SLC16A12: variants seen among roughly 807,000 people sequenced by gnomAD.
SLC16A12 encodes monocarboxylate transporter 12.
In SLC16A12, 17 loss-of-function variants were observed where a neutral mutation model predicts 42.4. That is an observed-to-expected ratio of 0.40 (90% CI 0.27 to 0.60). The LOEUF (loss-of-function observed/expected upper bound fraction) is 0.60, where lower values mean the gene tolerates loss of function less well. SLC16A12 is among the 20% of genes least tolerant of loss of function. The pLI is 0.42. For synonymous variants in SLC16A12, 224 were observed against 229.4 expected (o/e 0.98, Z 0.21); for missense variants, 544 against 623.0 (o/e 0.87, Z 1.35).
At chr10:89,501,087 T>C (rs1287107137) in intron 2 of SLC16A12, among the ~76,000 whole-genome samples, 2 of 152,038 alleles carry the variant, frequency 1.3e-5, no homozygotes, top group South Asian at 2.1e-4. Flanking sequence ...CTTAGGAATA[T>C]ACCTAACCAA....
intron 2 of SLC16A12, among the ~76,000 whole-genome samples, chr10:89,510,914 G>A (rs560166893): frequency 9.2e-5 from 14 of 152,224 alleles, no homozygotes; most frequent in Non-Finnish European, 1.6e-4. Flanking sequence ...ATCAAAATGG[G>A]CCAAGGATAT....
intron 2 of SLC16A12, among the ~76,000 whole-genome samples, chr10:89,497,809 G>T (rs1842942902): frequency 1.3e-5 from 2 of 151,966 alleles, no homozygotes; most frequent in Non-Finnish European, 2.9e-5. Context: ...TTTCTAATAA[G>T]ATATAAACCA....
At chr10:89,504,626 A>G (rs1221966876) in intron 2 of SLC16A12, among the ~76,000 whole-genome samples, 1 of 152,228 alleles carries the variant, frequency 6.6e-6, no homozygotes, top group African/African-American at 2.4e-5. Context: ...CAGAATATAC[A>G]GTGTTACAGA....
chr10:89,499,909 A>G (rs1215915238), intron 2 of SLC16A12, among the ~76,000 whole-genome samples: 1 of 152,210 alleles, frequency 6.6e-6, no homozygotes, highest in Non-Finnish European at 1.5e-5. Flanking sequence ...ACTAAGATTA[A>G]CCAAGAAAAG....
At chr10:89,543,090 T>C (rs544863884) in intron 2 of SLC16A12, among the ~76,000 whole-genome samples, 2 of 152,354 alleles carry the variant, frequency 1.3e-5, no homozygotes, top group East Asian at 1.9e-4. Context: ...TATCTGTAAC[T>C]TCCCTTGAAA....
chr10:89,499,062 C>A (rs1387910459), intron 2 of SLC16A12, among the ~76,000 whole-genome samples: 1 of 152,080 alleles, frequency 6.6e-6, no homozygotes, highest in Admixed American at 6.6e-5. Context: ...TATGACAAAA[C>A]AAGGCTCTTT....
rs141492082 is a variant in SLC16A12 at position 89,510,900 on chromosome 10, C to T, written c.-47+23601G>A. ...AAATTTACAAGAAAAAAACAAACAA[C>T]CCCATCAAAATGGGCCAAGGATATG... On this transcript the variant is annotated intron_variant, in intron 2 of 7. Transcript: ENST00000371790. 3.5e-3 allele frequency among the ~76,000 whole-genome samples: 539 copies of T among 152,266 alleles called. 2 individuals carry two copies. The highest frequency in any genetic ancestry group is 0.012 in the African/African-American group (509 of 41,554).
At chr10:89,436,005 T>C in intron 7 of SLC16A12, 55 bp downstream of exon 7, 1 of 1,610,232 alleles carries the variant, frequency 6.2e-7, no homozygotes, top group South Asian at 1.1e-5. Context: ...TTTGCTGTTT[T>C]CACATCAATA....
chr10:89,503,037 T>G (rs892310467), intron 2 of SLC16A12, among the ~76,000 whole-genome samples: 5 of 152,224 alleles, frequency 3.3e-5, no homozygotes, highest in South Asian at 2.1e-4. Context: ...AGACAAGCAC[T>G]TAGTTCATAT....
At chr10:89,453,209 A>T (rs779456465) in intron 3 of SLC16A12, among the ~76,000 whole-genome samples, 3 of 152,234 alleles carry the variant, frequency 2.0e-5, no homozygotes, top group Admixed American at 6.5e-5. Context: ...ATGGTAACAT[A>T]AACTGCCTGG....
In SLC16A12 at chr10:89,436,046, C is replaced by T. The variant is rs1485210880; in HGVS notation, c.1288+14G>A. 1.2e-6 allele frequency: 2 copies of T among 1,613,560 alleles called. No individual in the cohort carries two copies. Among genetic ancestry groups the T allele is most frequent in the Non-Finnish European group, 1.7e-6 (2 of 1,179,776 alleles). ...AAGAGAAAAGGTGGTTGGGGTTTCTCTCTGGAAACTTACCTGCGATGGGTG... is the reference window on the plus strand; with the variant it reads ...AAGAGAAAAGGTGGTTGGGGTTTCTTTCTGGAAACTTACCTGCGATGGGTG... On this transcript the variant is annotated intron_variant, in intron 7 of 7. Coordinates refer to ENST00000371790, the MANE Select transcript of SLC16A12 (RefSeq NM_213606.4).
chr10:89,455,424 T>C (rs1842173593), intron 3 of SLC16A12, among the ~76,000 whole-genome samples: 1 of 152,148 alleles, frequency 6.6e-6, no homozygotes, highest in Admixed American at 6.5e-5. Context: ...TATACAGAAA[T>C]CAAAATTAAT....
chr10:89,449,316 A>G (rs1228033140), intron 3 of SLC16A12, among the ~76,000 whole-genome samples: 1 of 152,204 alleles, frequency 6.6e-6, no homozygotes, highest in African/African-American at 2.4e-5. Flanking sequence ...CCTAACTCAA[A>G]AGAACAAAGC....
intron 2 of SLC16A12, among the ~76,000 whole-genome samples, chr10:89,550,193 C>T (rs532659313): frequency 6.6e-6 from 1 of 152,272 alleles, no homozygotes; most frequent in Non-Finnish European, 1.5e-5. Flanking sequence ...TTAGCCTCTT[C>T]CCATCTATTC....
intron 2 of SLC16A12, among the ~76,000 whole-genome samples, chr10:89,550,153 G>C (rs773826847): frequency 6.6e-6 from 1 of 152,026 alleles, no homozygotes; most frequent in Non-Finnish European, 1.5e-5. Flanking sequence ...ACTAGTGCAA[G>C]TCTCCTAACT....
Position 89,433,149 on chromosome 10 carries a change from G to A in SLC16A12, c.1466C>T (p.Ser489Leu), listed in dbSNP as rs1332703009. 1.9e-6 allele frequency: 3 copies of A among 1,614,042 alleles called. No individual in the cohort carries two copies. The East Asian group carries it at 6.7e-5, about 36-fold the overall frequency. Residue 489 changes from serine to leucine, a missense_variant, in exon 8 of 8, where the codon TCA becomes TTA. Physicochemically the swap from Ser to Leu is moderately radical, Grantham distance 145. Coordinates refer to ENST00000371790, the MANE Select transcript of SLC16A12 (RefSeq NM_213606.4). ...TTCTCTTGCCACAGAATAAGCCACT[G>A]ATCCATTGGTCCATAGCTGCAGCTT... ...DPKLQLWTNGSVAYSVARELD... is the reference protein window; with the variant it reads ...DPKLQLWTNGLVAYSVARELD...
At chr10:89,462,247 A>G (rs771157876) in intron 3 of SLC16A12, 132 bp downstream of exon 3, 10 of 1,278,984 alleles carry the variant, frequency 7.8e-6, no homozygotes, top group Non-Finnish European at 1.1e-5. Flanking sequence ...TGAAGAGTCA[A>G]CGGAAATACA....
Position 89,462,448 on chromosome 10 carries a change from T to C in SLC16A12, c.131A>G (p.Asp44Gly). The stretch of plus-strand genomic sequence containing the variant: ...CACAATCATCCAGCCCCAGCCTCCA[T>C]CTGGAGGGGAGGTAGACCGAGCTCT... ...VNRARSTSPP[D>G]GGWGWMIVAG... The change falls in exon 3 of 8, where the codon GAT becomes GGT. Residue 44 changes from aspartate to glycine, a missense_variant. Coordinates refer to ENST00000371790, the MANE Select transcript of SLC16A12 (RefSeq NM_213606.4). The C allele has an allele frequency of 1.2e-6, 2 of 1,614,058 alleles. No homozygotes were observed. The highest frequency in any genetic ancestry group is 1.7e-6 in the Non-Finnish European group (2 of 1,179,962).
At chr10:89,525,794 G>A (rs536254023) in intron 2 of SLC16A12, among the ~76,000 whole-genome samples, 1 of 152,228 alleles carries the variant, frequency 6.6e-6, no homozygotes, top group African/African-American at 2.4e-5. Context: ...TGTGGAGTGG[G>A]GATTTGACCT....
Sources: allele counts gnomAD v4.1 joint callset (sites outside exome capture counted in the v4.1 genomes callset), GRCh38; gene constraint gnomAD v4.1.1; transcripts MANE v1.5; gene names NCBI Gene and HGNC (gene_info 2026-07-23, HGNC 2026-07-21).